Variants in SP100 observed in about 807,000 individuals in gnomAD.
The protein encoded by SP100 is SP100 nuclear body protein.
SP100 carries 84 observed loss-of-function variants against 130.0 expected under a neutral mutation model. The ratio of observed to expected loss-of-function variants is 0.65; its 90% CI spans 0.54 to 0.77. SP100 has a LOEUF of 0.77. Ranked by LOEUF, SP100 falls within the 30% of genes least tolerant of loss-of-function variation. The pLI is 0.00. For missense variants in SP100, 978 were observed against 1,052.2 expected (o/e 0.93, Z 0.97); for synonymous variants, 331 against 351.7 (o/e 0.94, Z 0.66).
chr2:230,429,883 A>C (rs1014833795), intron 2 of SP100, among the ~76,000 whole-genome samples: 1 of 152,076 alleles, frequency 6.6e-6, no homozygotes, highest in African/African-American at 2.4e-5. Context: ...TGAGTTGTCT[A>C]TCTGTGTTTA....
intron 8 of SP100, among the ~76,000 whole-genome samples, chr2:230,451,322 A>G (rs905323719): frequency 1.3e-5 from 2 of 152,160 alleles, no homozygotes; most frequent in African/African-American, 4.8e-5. Context: ...TCTTTTTGAT[A>G]ATAACCATTC....
At position 230,506,214 on chromosome 2, in the gene SP100, A is replaced by G. The variant is rs1017755852; in HGVS notation, c.1871-89A>G. ...ACTTTACTGCTACGATCCTAAGCCC[A>G]AAGTGGGTGGCCCCAGACCCCAGCA... On this transcript the variant is annotated intron_variant, in intron 21 of 28. Transcript: ENST00000340126. 35 of 1,434,720 alleles carry G rather than the reference A, an allele frequency of 2.4e-5. No individual in the cohort carries two copies. In the African/African-American group the frequency reaches 3.7e-4, roughly 15 times the overall value. 88.9% of individuals were successfully genotyped at this position (1,434,720 alleles called of 1,614,324 possible). A position where few individuals can be genotyped will look rare whatever the true frequency, so the allele number is the denominator to read the frequency against.
At position 230,452,860 on chromosome 2, in the gene SP100, A is replaced by G. The variant is rs138991379; in HGVS notation, c.820+2605A>G. Among the ~76,000 whole-genome samples the G allele has an allele frequency of 2.8e-3, 330 of 116,530 alleles. 2 individuals are homozygous for G. Among genetic ancestry groups the G allele is most frequent in the African/African-American group, 0.01 (313 of 30,648 alleles). 76.4% of individuals were successfully genotyped at this position (116,530 alleles called of 152,430 possible). On this transcript the variant is annotated intron_variant, in intron 8 of 28. Transcript: ENST00000340126. The stretch of plus-strand genomic sequence containing the variant: ...TTTGGTGGAGTCTTCGGGATTTTGT[A>G]TATATAAGATCAGGTCATCTGCAAA...
intron 2 of SP100, among the ~76,000 whole-genome samples, chr2:230,424,284 A>G (rs1388911220): frequency 1.3e-5 from 2 of 152,216 alleles, no homozygotes; most frequent in African/African-American, 4.8e-5. Context: ...GATTGCAAGT[A>G]TGCTCAAAAG....
In SP100 at chr2:230,500,253, A is replaced by G. The variant is rs555403356; in HGVS notation, c.1720+1718A>G. Among the ~76,000 whole-genome samples, 15 of 152,352 alleles carry G rather than the reference A, an allele frequency of 9.8e-5. No individual in the cohort carries two copies. The South Asian group carries it at 2.7e-3, about 27-fold the overall frequency. Reference sequence around the variant, plus strand: ...AGAACAGTTAAGTCCTACTTTGTCCAGGCATTTGACTGCCCGGATATACAA... The same window carrying G: ...AGAACAGTTAAGTCCTACTTTGTCCGGGCATTTGACTGCCCGGATATACAA... On this transcript the variant is annotated intron_variant, in intron 19 of 28. Coordinates refer to ENST00000340126, the MANE Select transcript of SP100 (RefSeq NM_001080391.2).
intron 18 of SP100, among the ~76,000 whole-genome samples, chr2:230,495,158 T>A (rs1037561632): frequency 6.6e-6 from 1 of 152,070 alleles, no homozygotes; most frequent in Non-Finnish European, 1.5e-5. Flanking sequence ...CAGCCTTGAT[T>A]AGGAAATGAG....
chr2:230,529,297 C>T (rs1184950418), intron 24 of SP100, among the ~76,000 whole-genome samples: 2 of 152,170 alleles, frequency 1.3e-5, no homozygotes, highest in Non-Finnish European at 2.9e-5. Flanking sequence ...AAACGTAACC[C>T]ATCACGTAAA....
intron 2 of SP100, 124 bp downstream of exon 2, chr2:230,417,789 T>C: frequency 7.1e-7 from 1 of 1,405,742 alleles, no homozygotes; most frequent in Non-Finnish European, 9.4e-7. Context: ...GTTTGTTTTT[T>C]GCCAATATGA....
chr2:230,438,245 G>T (rs2063354284), intron 2 of SP100, among the ~76,000 whole-genome samples: 1 of 151,360 alleles, frequency 6.6e-6, no homozygotes, highest in Non-Finnish European at 1.5e-5. Flanking sequence ...TTTACATTCT[G>T]TTTAAATAAT....
At chr2:230,532,050 G>C (rs1051961424) in intron 24 of SP100, among the ~76,000 whole-genome samples, 2 of 151,924 alleles carry the variant, frequency 1.3e-5, no homozygotes, top group African/African-American at 4.8e-5. Flanking sequence ...TAGTCATTTT[G>C]TTTCCTATGT....
At chr2:230,478,147 T>A (rs2065660986) in intron 17 of SP100, among the ~76,000 whole-genome samples, 1 of 152,212 alleles carries the variant, frequency 6.6e-6, no homozygotes, top group Non-Finnish European at 1.5e-5. Flanking sequence ...TGGAGGGAAT[T>A]TAAATGAGAC....
At chr2:230,429,071 C>G (rs1375342347) in intron 2 of SP100, among the ~76,000 whole-genome samples, 1 of 152,020 alleles carries the variant, frequency 6.6e-6, no homozygotes, top group Non-Finnish European at 1.5e-5. Flanking sequence ...TATTGTTATG[C>G]TGTGAATTAG....
At position 230,467,228 on chromosome 2, in the gene SP100, C is replaced by T. The variant is rs745780614; in HGVS notation, c.1291+13C>T. 21 of 1,585,506 alleles carry T rather than the reference C, an allele frequency of 1.3e-5. No homozygotes were observed. The highest frequency in any genetic ancestry group is 1.6e-5 in the Non-Finnish European group (19 of 1,153,992). On this transcript the variant is annotated intron_variant, in intron 13 of 28. Transcript: ENST00000340126. ...CATGGTGAGAAGGGTAAGAACAGCTCCCTTGACTTCAGGGCTCTGACTTCA... is the reference window on the plus strand; with the variant it reads ...CATGGTGAGAAGGGTAAGAACAGCTTCCTTGACTTCAGGGCTCTGACTTCA...
chr2:230,443,349 G>C (rs761147518), intron 3 of SP100, among the ~76,000 whole-genome samples: 9 of 152,198 alleles, frequency 5.9e-5, no homozygotes, highest in Non-Finnish European at 1.3e-4. Context: ...GAGTTGGAGT[G>C]AATGGTACTG....
intron 14 of SP100, 195 bp from the exon 15 acceptor site, chr2:230,469,820 C>T (rs1304894756): frequency 2.7e-6 from 4 of 1,493,494 alleles, no homozygotes; most frequent in Non-Finnish European, 3.6e-6. Flanking sequence ...ATCCCCAGCC[C>T]CAGCCTCAGA....
intron 24 of SP100, among the ~76,000 whole-genome samples, chr2:230,522,126 A>T (rs2150097411): frequency 6.6e-6 from 1 of 152,308 alleles, no homozygotes; most frequent in East Asian, 1.9e-4. Flanking sequence ...GAAATTCCAA[A>T]GGAATTTCTG....
At chr2:230,429,391 C>A (rs1368426973) in intron 2 of SP100, among the ~76,000 whole-genome samples, 1 of 152,100 alleles carries the variant, frequency 6.6e-6, no homozygotes, top group Non-Finnish European at 1.5e-5. Flanking sequence ...AAAATATTGT[C>A]TTTATCTTTT....
At chr2:230,528,105 C>T (rs1559536149) in intron 24 of SP100, among the ~76,000 whole-genome samples, 1 of 152,206 alleles carries the variant, frequency 6.6e-6, no homozygotes, top group South Asian at 2.1e-4. Context: ...GAACTCTACA[C>T]CCCAAATCAA....
intron 17 of SP100, among the ~76,000 whole-genome samples, chr2:230,481,024 T>TTGGTGGTGTTGGTGG (rs2065808183): frequency 1.4e-5 from 2 of 144,222 alleles, no homozygotes; most frequent in African/African-American, 5.1e-5. Context: ...AGTGGTAGTA[T>TTGGTGGTGTTGGTGG]TGGTGGTGGT....
Sources: gnomAD v4.1 joint callset for allele counts (sites outside exome capture counted in the v4.1 genomes callset) on GRCh38, gnomAD v4.1.1 for gene constraint, MANE v1.5 for transcripts, NCBI Gene and HGNC (gene_info 2026-07-23, HGNC 2026-07-21) for gene names.